The following KCNB2 variants were observed in gnomAD, a reference collection of about 807,000 sequenced individuals.
KCNB2 encodes the protein delayed rectifier potassium channel protein.
In KCNB2, 15 loss-of-function variants were observed where a neutral mutation model predicts 61.5. The observed-to-expected ratio is 0.24, with a 90% CI of 0.16 to 0.38. The LOEUF (loss-of-function observed/expected upper bound fraction) is 0.38. KCNB2 is among the 10% of genes least tolerant of loss of function. The pLI, the probability that KCNB2 is intolerant of heterozygous loss-of-function variation, is 1.00. For synonymous variants in KCNB2, 457 were observed against 446.0 expected (o/e 1.02, Z -0.31); for missense variants, 828 against 1,125.2 (o/e 0.74, Z 3.78).
chr8:72,886,333 A>C (rs1805806666), intron 2 of KCNB2, among the ~76,000 whole-genome samples: 1 of 152,134 alleles, frequency 6.6e-6, no homozygotes. Context: ...TGTTATCCTA[A>C]AACCTGTTCT....
At chr8:72,737,199 C>G (rs910981557) in intron 2 of KCNB2, among the ~76,000 whole-genome samples, 1 of 152,202 alleles carries the variant, frequency 6.6e-6, no homozygotes, top group East Asian at 1.9e-4. Flanking sequence ...GATTTTTTAA[C>G]ATAAGCTTGG....
intron 2 of KCNB2, among the ~76,000 whole-genome samples, chr8:72,930,339 G>C (rs1000664849): frequency 6.6e-6 from 1 of 151,838 alleles, no homozygotes; most frequent in Non-Finnish European, 1.5e-5. Flanking sequence ...TGGGTCAAAT[G>C]GTATTTCTAG....
chr8:72,696,406 T>C (rs540204378), intron 2 of KCNB2, among the ~76,000 whole-genome samples: 2 of 152,280 alleles, frequency 1.3e-5, no homozygotes, highest in South Asian at 4.1e-4. Context: ...GAGAACTTGA[T>C]AAAGACAACA....
chr8:72,839,317 C>T (rs1809836330), intron 2 of KCNB2, among the ~76,000 whole-genome samples: 1 of 152,166 alleles, frequency 6.6e-6, no homozygotes, highest in African/African-American at 2.4e-5. Context: ...GGTGTGTCTT[C>T]TGTTTTTTAG....
At chr8:72,662,418 C>T (rs1356170762) in intron 2 of KCNB2, among the ~76,000 whole-genome samples, 1 of 152,178 alleles carries the variant, frequency 6.6e-6, no homozygotes, top group Admixed American at 6.5e-5. Flanking sequence ...TTCTCCACAT[C>T]ACGAAATACC....
intron 2 of KCNB2, among the ~76,000 whole-genome samples, chr8:72,674,924 G>A (rs911682624): frequency 1.7e-4 from 26 of 152,106 alleles, no homozygotes; most frequent in East Asian, 7.7e-4. Context: ...TTTTTTTCTC[G>A]TGTAAAAATA....
At chr8:72,756,981 C>T (rs1563581502) in intron 2 of KCNB2, among the ~76,000 whole-genome samples, 1 of 152,090 alleles carries the variant, frequency 6.6e-6, no homozygotes, top group Non-Finnish European at 1.5e-5. Context: ...TTGTCAGATG[C>T]TCAGAGGAGA....
Position 72,937,685 on chromosome 8 carries a change from G to C in KCNB2, c.2330G>C (p.Cys777Ser). The C allele has an allele frequency of 6.2e-7, 1 of 1,614,008 alleles. No individual in the cohort carries two copies. The highest frequency in any genetic ancestry group is 8.5e-7 in the Non-Finnish European group (1 of 1,179,996). The change falls in exon 3 of 3, where the codon TGT becomes TCT. Residue 777 changes from cysteine (C) to serine (S), a missense_variant. Cys to Ser is a moderately radical substitution (Grantham distance 112). This residue lies in a region of KCNB2 where 559 missense variants were observed against 588.4 expected (regional missense o/e 0.95). Transcript: ENST00000523207. The stretch of plus-strand genomic sequence containing the variant: ...CTGGGCACTGAGGTTTCAGCGCCTT[G>C]TCAGGGACCTTCCAAAGGGCTGTCC... ...PLLGTEVSAP[C>S]QGPSKGLSPR...
chr8:72,541,561 C>T (rs1306113699), intron 1 of KCNB2, among the ~76,000 whole-genome samples: 3 of 152,052 alleles, frequency 2.0e-5, no homozygotes, highest in Non-Finnish European at 4.4e-5. Context: ...CTTGCAGTTC[C>T]TAGATTTATT....
At chr8:72,902,427 G>A (rs1159979812) in intron 2 of KCNB2, among the ~76,000 whole-genome samples, 2 of 152,044 alleles carry the variant, frequency 1.3e-5, no homozygotes, top group Non-Finnish European at 2.9e-5. Context: ...GTCATAGCAG[G>A]GTCCTGGTGG....
At chr8:72,632,666 T>C (rs984780184) in intron 2 of KCNB2, among the ~76,000 whole-genome samples, 2 of 152,194 alleles carry the variant, frequency 1.3e-5, no homozygotes, top group African/African-American at 2.4e-5. Flanking sequence ...GCCTATTTTG[T>C]TACTATCAGA....
intron 2 of KCNB2, among the ~76,000 whole-genome samples, chr8:72,620,725 C>T (rs947559790): frequency 3.9e-5 from 6 of 152,178 alleles, no homozygotes; most frequent in African/African-American, 1.4e-4. Flanking sequence ...TCTCCTGCCT[C>T]AGCCTCCCGA....
chr8:72,598,037 A>G (rs1481032266), intron 2 of KCNB2, among the ~76,000 whole-genome samples: 1 of 151,966 alleles, frequency 6.6e-6, no homozygotes, highest in Non-Finnish European at 1.5e-5. Flanking sequence ...ACATGTGTTC[A>G]CTGCAGCATT....
rs567892417 is a variant in KCNB2, at chr8:72,859,257, G to A, written c.580-76678G>A. Among the ~76,000 whole-genome samples, 8 of 152,244 alleles carry A rather than the reference G, an allele frequency of 5.3e-5. No homozygotes were observed. The East Asian group carries it at 7.7e-4, about 15-fold the overall frequency. ...AAGGAGTTGACTTGAGATTCCTCACGTATAGCAAACAAAGTGGGGAAGTGT... is the reference window on the plus strand; with the variant it reads ...AAGGAGTTGACTTGAGATTCCTCACATATAGCAAACAAAGTGGGGAAGTGT... On this transcript the variant is annotated intron_variant, in intron 2 of 2. Transcript: ENST00000523207.
intron 2 of KCNB2, among the ~76,000 whole-genome samples, chr8:72,920,258 T>C (rs1331914150): frequency 6.6e-6 from 1 of 151,344 alleles, no homozygotes; most frequent in Non-Finnish European, 1.5e-5. Context: ...TAGAAACCAA[T>C]ATCAATCAAT....
intron 2 of KCNB2, among the ~76,000 whole-genome samples, chr8:72,925,833 G>C (rs1005410082): frequency 3.9e-5 from 6 of 152,264 alleles, no homozygotes; most frequent in African/African-American, 1.4e-4. Flanking sequence ...CAAAGACATG[G>C]AATCAACCCA....
At chr8:72,908,178 T>C (rs1042106542) in intron 2 of KCNB2, among the ~76,000 whole-genome samples, 1 of 152,214 alleles carries the variant, frequency 6.6e-6, no homozygotes, top group African/African-American at 2.4e-5. Flanking sequence ...ATCTTTGAAC[T>C]ATGAAGGAAT....
At chr8:72,751,738 G>A (rs539215171) in intron 2 of KCNB2, 10 of 152,176 alleles carry the variant, frequency 6.6e-5, no homozygotes, top group Non-Finnish European at 1.5e-4. Context: ...GAATACCCAT[G>A]TGAGGCTTAT....
At chr8:72,609,807 T>G (rs946299892) in intron 2 of KCNB2, among the ~76,000 whole-genome samples, 2 of 152,192 alleles carry the variant, frequency 1.3e-5, no homozygotes, top group East Asian at 3.8e-4. Context: ...CATTTTTCAT[T>G]AAAGTCCCCA....
Sources: allele counts gnomAD v4.1 joint callset (sites outside exome capture counted in the v4.1 genomes callset), GRCh38; gene constraint gnomAD v4.1.1; regional missense constraint gnomAD v4.1.1; transcripts MANE v1.5; gene names NCBI Gene and HGNC (gene_info 2026-07-23, HGNC 2026-07-21).